Variants in PCNX4 observed in about 807,000 individuals in gnomAD.
PCNX4 encodes pecanex-like protein 4.
In PCNX4, 103 loss-of-function variants were observed where a neutral mutation model predicts 107.2. That is an observed-to-expected ratio of 0.96 (90% CI 0.82 to 1.13). The LOEUF (loss-of-function observed/expected upper bound fraction) is 1.13. PCNX4 is among the 50% of genes most tolerant of loss of function. The pLI is 0.00. For synonymous variants in PCNX4, 541 were observed against 481.7 expected (o/e 1.12, Z -1.61); for missense variants, 1,528 against 1,379.4 (o/e 1.11, Z -1.71).
At chr14:60,107,555 A>G (rs1472673753) in intron 1 of PCNX4, 31 bp from the exon 2 acceptor site, 4 of 1,206,602 alleles carry the variant, frequency 3.3e-6, no homozygotes, top group East Asian at 4.9e-5. Context: ...ACATTTTCAA[A>G]CAGTGACTTT....
intron 1 of PCNX4, among the ~76,000 whole-genome samples, chr14:60,094,427 C>A (rs1895379525): frequency 6.6e-6 from 1 of 152,178 alleles, no homozygotes; most frequent in African/African-American, 2.4e-5. Flanking sequence ...ATTTTGCAGA[C>A]CTTGGTCAAA....
intron 1 of PCNX4, among the ~76,000 whole-genome samples, chr14:60,103,075 T>C (rs1214415432): frequency 2.0e-5 from 3 of 152,226 alleles, no homozygotes; most frequent in African/African-American, 7.2e-5. Flanking sequence ...AAATCAGTTT[T>C]TAGGTCTGAT....
chr14:60,104,232 T>C (rs1895587197), intron 1 of PCNX4, among the ~76,000 whole-genome samples: 1 of 147,262 alleles, frequency 6.8e-6, no homozygotes, highest in African/African-American at 2.6e-5. Context: ...GGCAGGAGAA[T>C]CGCTTGAACC....
In PCNX4 at chr14:60,118,822, G is replaced by A. The variant is rs1895902263; in HGVS notation, c.1942+130G>A. On this transcript the variant is annotated intron_variant, in intron 7 of 10. Transcript: ENST00000406854. ...ACAACCATAACAATTTGATGTGTAGGCAGAAAGACTAAATATGAAATTAGA... is the reference window on the plus strand; with the variant it reads ...ACAACCATAACAATTTGATGTGTAGACAGAAAGACTAAATATGAAATTAGA... The A allele has an allele frequency of 3.1e-6, 3 of 975,020 alleles. No homozygotes were observed. The East Asian group carries it at 9.3e-5, about 30-fold the overall frequency. 60.4% of individuals were successfully genotyped at this position (975,020 alleles called of 1,614,324 possible).
intron 10 of PCNX4, chr14:60,133,759 T>C: frequency 1.5e-6 from 1 of 656,182 alleles, no homozygotes; most frequent in Non-Finnish European, 2.7e-6. Flanking sequence ...CCAGGAAACT[T>C]TTATTTAAAG....
chr14:60,129,847 T>C (rs1896122662), intron 10 of PCNX4, among the ~76,000 whole-genome samples: 1 of 151,666 alleles, frequency 6.6e-6, no homozygotes, highest in African/African-American at 2.4e-5. Context: ...AGAAAAAAAG[T>C]GAAAACAATC....
At chr14:60,098,830 C>G (rs559438745) in intron 1 of PCNX4, among the ~76,000 whole-genome samples, 3 of 151,814 alleles carry the variant, frequency 2.0e-5, no homozygotes, top group African/African-American at 7.2e-5. Context: ...CCCAGCTACT[C>G]CGGAGGCTGA....
chr14:60,102,272 G>T (rs571325325), intron 1 of PCNX4, among the ~76,000 whole-genome samples: 5 of 151,962 alleles, frequency 3.3e-5, no homozygotes, highest in African/African-American at 1.2e-4. Context: ...AAAAAAGAGG[G>T]ATTCAATAAA....
At chr14:60,128,465 A>G (rs376585) in intron 10 of PCNX4, among the ~76,000 whole-genome samples, 39,638 of 152,058 alleles carry the variant, frequency 0.26, 7,607 homozygotes, top group African/African-American at 0.54. Flanking sequence ...ACCCCAAAAC[A>G]GAAAGGTTAA....
rs912274298 is a variant in PCNX4 at position 60,134,729 on chromosome 14, T to C, written c.*508T>C. ...TTTTGACATCTAATATCTGAATGTT[T>C]TTGTATCAAGTAGTTTGTTTTCATA... On this transcript the variant is annotated 3_prime_UTR_variant, in exon 11 of 11. Coordinates refer to ENST00000406854, the MANE Select transcript of PCNX4 (RefSeq NM_001330177.2). The C allele has an allele frequency of 6.6e-6, 1 of 152,352 alleles. No homozygotes were observed. The highest frequency in any genetic ancestry group is 2.4e-5 in the African/African-American group (1 of 41,466). The allele number at this position is 152,352 out of a possible 1,614,324, so 9.4% of individuals were successfully genotyped here. A position where few individuals can be genotyped will look rare whatever the true frequency, so the allele number is the denominator to read the frequency against.
intron 10 of PCNX4, among the ~76,000 whole-genome samples, chr14:60,131,357 A>G (rs1276166486): frequency 6.6e-6 from 1 of 152,242 alleles, no homozygotes; most frequent in Admixed American, 6.5e-5. Context: ...TGATTAACAA[A>G]TTCAGGATGG....
rs1203514583 is a variant in PCNX4 at position 60,147,604 on chromosome 14, C to T, written c.*13383C>T. ...AAGGGGGAAAAAGCACAATAGCTAACACTTAGAACACTCCAAGTTGTGTTT... is the reference window on the plus strand; with the variant it reads ...AAGGGGGAAAAAGCACAATAGCTAATACTTAGAACACTCCAAGTTGTGTTT... On this transcript the variant is annotated 3_prime_UTR_variant, in exon 11 of 11. Transcript: ENST00000406854. 6.6e-6 allele frequency: 1 copy of T among 152,184 alleles called. No homozygotes were observed. Among genetic ancestry groups the T allele is most frequent in the Admixed American group, 6.5e-5 (1 of 15,272 alleles). 9.4% of individuals were successfully genotyped at this position (152,184 alleles called of 1,614,324 possible).
At chr14:60,096,971 A>G (rs887780570) in intron 1 of PCNX4, among the ~76,000 whole-genome samples, 3 of 152,238 alleles carry the variant, frequency 2.0e-5, no homozygotes, top group Admixed American at 6.5e-5. Context: ...AGAGAAAATT[A>G]TGTTTCAAAA....
In PCNX4 at chr14:60,124,782, C is replaced by A. The variant is rs759598381; in HGVS notation, c.2611C>A (p.Pro871Thr). 5 of 1,613,352 alleles carry A rather than the reference C, an allele frequency of 3.1e-6. No individual in the cohort carries two copies. The highest frequency in any genetic ancestry group is 1.7e-5 in the Admixed American group (1 of 60,002). Residue 871 changes from proline to threonine, a missense_variant, in exon 9 of 11, where the codon CCT (proline) becomes ACT (threonine). Physicochemically the swap from Pro to Thr is conservative, Grantham distance 38. Coordinates refer to ENST00000406854, the MANE Select transcript of PCNX4 (RefSeq NM_001330177.2). ...RVGDHSTGTV[P>T]ENDLYKAVLL... ...TGGTGATCATTCTACAGGCACTGTTCCTGAAAACGATCTTTACAAAGCAGT... is the reference window on the plus strand; with the variant it reads ...TGGTGATCATTCTACAGGCACTGTTACTGAAAACGATCTTTACAAAGCAGT...
intron 5 of PCNX4, 31 bp from the exon 6 acceptor site, chr14:60,115,910 C>G (rs748576974): frequency 6.3e-7 from 1 of 1,594,700 alleles, no homozygotes; most frequent in East Asian, 2.2e-5. Context: ...CTAATTCTAC[C>G]TGATAAAAAT....
chr14:60,107,795 G>C lies in PCNX4; in HGVS notation c.157G>C (p.Val53Leu), dbSNP rs1475783622. The change falls in exon 2 of 11, where the codon GTT becomes CTT. Residue 53 changes from valine to leucine, a missense_variant. Val to Leu is a conservative substitution (Grantham distance 32). Transcript: ENST00000406854. ...NQIILFLMPWVWGGVGTLLYQ... is the reference protein window; with the variant it reads ...NQIILFLMPWLWGGVGTLLYQ... Reference sequence around the variant, plus strand: ...AATTATTCTTTTTCTAATGCCATGGGTTTGGGGTGGAGTCGGAACACTTTT... The same window carrying C: ...AATTATTCTTTTTCTAATGCCATGGCTTTGGGGTGGAGTCGGAACACTTTT... The C allele has an allele frequency of 4.3e-6, 7 of 1,612,784 alleles. No homozygotes were observed. Among genetic ancestry groups the C allele is most frequent in the African/African-American group, 1.3e-5 (1 of 75,024 alleles).
chr14:60,131,588 A>G (rs1016177591), intron 10 of PCNX4, among the ~76,000 whole-genome samples: 3 of 152,252 alleles, frequency 2.0e-5, no homozygotes. Context: ...TCCAGTGTTC[A>G]TAAATCAAAA....
Position 60,124,752 on chromosome 14 carries a change from A to G in PCNX4, c.2581A>G (p.Arg861Gly). ...LFIPGSVESQ[R>G]VGDHSTGTVP... is the part of the protein sequence containing the mutation. ...TATTCCAGGATCAGTAGAATCACAG[A>G]GGGTTGGTGATCATTCTACAGGCAC... The change falls in exon 9 of 11, where the codon AGG becomes GGG. Residue 861 changes from arginine to glycine, a missense_variant. Transcript: ENST00000406854. The G allele has an allele frequency of 6.2e-7, 1 of 1,613,192 alleles. No homozygotes were observed. Among genetic ancestry groups the G allele is most frequent in the Non-Finnish European group, 8.5e-7 (1 of 1,179,768 alleles).
chr14:60,133,708 G>T, intron 10 of PCNX4: 1 of 605,412 alleles, frequency 1.7e-6, no homozygotes, highest in Non-Finnish European at 3.1e-6. Context: ...CAGACAAAGA[G>T]AAGTGACTAA....
Sources: allele counts gnomAD v4.1 joint callset (sites outside exome capture counted in the v4.1 genomes callset), GRCh38; gene constraint gnomAD v4.1.1; transcripts MANE v1.5; gene names NCBI Gene and HGNC (gene_info 2026-07-23, HGNC 2026-07-21).